The following C6orf132 variants were observed in gnomAD, a reference collection of about 807,000 sequenced individuals.
The protein encoded by C6orf132 is uncharacterized protein C6orf132.
C6orf132 carries 43 observed loss-of-function variants against 65.3 expected under a neutral mutation model. The ratio of observed to expected loss-of-function variants is 0.66; its 90% CI spans 0.52 to 0.85. C6orf132 has a LOEUF of 0.85. Ranked by LOEUF, C6orf132 falls within the 40% of genes least tolerant of loss-of-function variation. The pLI, the probability that C6orf132 is intolerant of heterozygous loss-of-function variation, is 0.00. For missense variants in C6orf132, 1,488 were observed against 1,548.8 expected, an observed-to-expected ratio of 0.96 and a Z score of 0.66; for synonymous variants, 631 against 654.1, an observed-to-expected ratio of 0.96 and a Z score of 0.54.
chr6:42,140,318 A>G (rs919705309), intron 1 of C6orf132, among the ~76,000 whole-genome samples: 3 of 152,244 alleles, frequency 2.0e-5, no homozygotes, highest in Non-Finnish European at 2.9e-5. Flanking sequence ...CAGCCTGCAC[A>G]GCCTAGGCAA....
chr6:42,125,459 G>A (rs1766749290), intron 2 of C6orf132, among the ~76,000 whole-genome samples: 2 of 152,140 alleles, frequency 1.3e-5, no homozygotes, highest in African/African-American at 4.8e-5. Flanking sequence ...ATCACAGGCC[G>A]TGCCACTGGA....
At chr6:42,138,322 C>T (rs897771931) in intron 1 of C6orf132, among the ~76,000 whole-genome samples, 1 of 151,938 alleles carries the variant, frequency 6.6e-6, no homozygotes, top group South Asian at 2.1e-4. Flanking sequence ...AACAGGGTCT[C>T]GCTCTGCCAC....
intron 1 of C6orf132, among the ~76,000 whole-genome samples, chr6:42,134,916 A>T (rs1582285553): frequency 1.3e-5 from 2 of 150,318 alleles, no homozygotes; most frequent in East Asian, 3.9e-4. Flanking sequence ...CAGGAGAATC[A>T]CTTGAACCTG....
Position 42,102,885 on chromosome 6 carries a change from CAT to C in C6orf132, c.*874_*875del, listed in dbSNP as rs757622570. 18 of 396,126 alleles carry C rather than the reference CAT, an allele frequency of 4.5e-5. No homozygotes were observed. The highest frequency in any genetic ancestry group is 7.1e-5 in the Non-Finnish European group (16 of 225,146). 24.5% of individuals were successfully genotyped at this position (396,126 alleles called of 1,614,324 possible). On this transcript the variant is annotated 3_prime_UTR_variant, in exon 5 of 5. Coordinates refer to ENST00000341865, the MANE Select transcript of C6orf132 (RefSeq NM_001164446.3). ...TAGGAAAAATGCCTTCTCCAAATCC[CAT>C]ATGAGACCTGGCCATGTAAGGCCCC...
intron 1 of C6orf132, among the ~76,000 whole-genome samples, chr6:42,135,507 G>A (rs1183640437): frequency 6.6e-6 from 1 of 152,190 alleles, no homozygotes; most frequent in Non-Finnish European, 1.5e-5. Context: ...CCGAGCGGAG[G>A]AGCCTCACTG....
intron 1 of C6orf132, among the ~76,000 whole-genome samples, chr6:42,135,205 G>T (rs60861123): frequency 0.025 from 3,843 of 152,270 alleles, 165 homozygotes; most frequent in African/African-American, 0.087. Context: ...TTTCTTGTTC[G>T]GGTTCACTCT....
intron 1 of C6orf132, among the ~76,000 whole-genome samples, chr6:42,138,873 A>ACACACACACACAC (rs1365657273): frequency 5.9e-5 from 9 of 151,696 alleles, no homozygotes; most frequent in Non-Finnish European, 8.8e-5. Flanking sequence ...ACACACACAC[A>ACACACACACACAC]CACACACACT....
At chr6:42,134,885 A>G (rs112045615) in intron 1 of C6orf132, among the ~76,000 whole-genome samples, 2,343 of 150,938 alleles carry the variant, frequency 0.016, 55 homozygotes, top group African/African-American at 0.053. Flanking sequence ...CCAGCTACTC[A>G]GGATACTCGG....
rs1766739481 is a variant in C6orf132 at position 42,124,811 on chromosome 6, A to C, written c.252+3861T>G. Among the ~76,000 whole-genome samples, 1 of 152,208 alleles carries C rather than the reference A, an allele frequency of 6.6e-6. No homozygotes were observed. Among genetic ancestry groups the C allele is most frequent in the Non-Finnish European group, 1.5e-5 (1 of 68,028 alleles). On this transcript the variant is annotated intron_variant, in intron 2 of 4. Transcript: ENST00000341865. The surrounding 1 kb of genome is among the most constrained non-coding windows in gnomAD (Gnocchi z 4.0). ...CTAGGGCCTACAGGAGAGGAGTCAG[A>C]AGCTCAGACAGGAGAGAATTAAGCC...
intron 1 of C6orf132, among the ~76,000 whole-genome samples, chr6:42,133,333 T>C (rs1404160867): frequency 6.6e-6 from 1 of 152,256 alleles, no homozygotes; most frequent in East Asian, 1.9e-4. Context: ...GCCCCGTGTC[T>C]CATCCACTCT....
At chr6:42,114,108 A>G (rs896859038) in intron 2 of C6orf132, among the ~76,000 whole-genome samples, 2 of 152,188 alleles carry the variant, frequency 1.3e-5, no homozygotes, top group Non-Finnish European at 2.9e-5. Flanking sequence ...ATTACTCACT[A>G]TGCCCTTTGA....
intron 1 of C6orf132, among the ~76,000 whole-genome samples, chr6:42,130,804 T>C (rs985338281): frequency 1.3e-5 from 2 of 151,960 alleles, no homozygotes; most frequent in African/African-American, 4.8e-5. Context: ...TGGAGTCTTT[T>C]TTTTTTGGTT....
chr6:42,119,432 C>T (rs1766644065), intron 2 of C6orf132, among the ~76,000 whole-genome samples: 1 of 142,718 alleles, frequency 7.0e-6, no homozygotes, highest in African/African-American at 2.6e-5. Context: ...GCAAACTCTG[C>T]CTCCCAGGTT....
rs1766343281 is a variant in C6orf132 at position 42,104,094 on chromosome 6, A to G, written c.3450-216T>C. Among the ~76,000 whole-genome samples, 1 of 152,168 alleles carries G rather than the reference A, an allele frequency of 6.6e-6. No homozygotes were observed. Among genetic ancestry groups the G allele is most frequent in the Non-Finnish European group, 1.5e-5 (1 of 68,022 alleles). ...CTGCTGGCCGGAGAACATGCCTAAC[A>G]GCCTTTCACTCAGAACTCTTTCACT... On this transcript the variant is annotated intron_variant, in intron 4 of 4. Transcript: ENST00000341865. The surrounding 1 kb of genome is among the most constrained non-coding windows in gnomAD (Gnocchi z 4.1).
chr6:42,139,244 A>G (rs929002293), intron 1 of C6orf132, among the ~76,000 whole-genome samples: 5 of 152,184 alleles, frequency 3.3e-5, no homozygotes, highest in African/African-American at 1.2e-4. Flanking sequence ...CAGGGGCCCT[A>G]TGGAACTCTA....
At chr6:42,118,990 T>C (rs1766633064) in intron 2 of C6orf132, among the ~76,000 whole-genome samples, 1 of 136,174 alleles carries the variant, frequency 7.3e-6, no homozygotes, top group Non-Finnish European at 1.5e-5. Context: ...CCCAGCACTT[T>C]GGGAGGCCAA....
At position 42,124,828 on chromosome 6, in the gene C6orf132, A is replaced by G. The variant is rs1358293076; in HGVS notation, c.252+3844T>C. On this transcript the variant is annotated intron_variant, in intron 2 of 4. Coordinates refer to ENST00000341865, the MANE Select transcript of C6orf132 (RefSeq NM_001164446.3). This position sits in a 1 kb window ranked among gnomAD's most constrained non-coding sequence, Gnocchi z 4.0. The stretch of plus-strand genomic sequence containing the variant: ...GGAGTCAGAAGCTCAGACAGGAGAG[A>G]ATTAAGCCGCCAGCCGGATTCCCCT... Among the ~76,000 whole-genome samples the G allele has an allele frequency of 1.3e-5, 2 of 152,166 alleles. No homozygotes were observed. The highest frequency in any genetic ancestry group is 4.8e-5 in the African/African-American group (2 of 41,440).
chr6:42,107,512 C>T lies in C6orf132; in HGVS notation c.400G>A (p.Gly134Ser), dbSNP rs1424991121. The change falls in exon 4 of 5, where the codon GGC (glycine) becomes AGC (serine). Residue 134 changes from glycine to serine, a missense_variant. By Grantham distance (56) the Gly-to-Ser change is moderately conservative. Transcript: ENST00000341865. ...SVGDLRPGQY[G>S]QDLLIPPPPP... Reference sequence around the variant, plus strand: ...GGTGGGGGGATGAGTAGATCCTGGCCATATTGTCCAGGCCTCAGGTCACCC... The same window carrying T: ...GGTGGGGGGATGAGTAGATCCTGGCTATATTGTCCAGGCCTCAGGTCACCC... 1 of 1,550,164 alleles carries T rather than the reference C, an allele frequency of 6.5e-7. No individual in the cohort carries two copies. Among genetic ancestry groups the T allele is most frequent in the South Asian group, 1.2e-5 (1 of 84,042 alleles).
Position 42,105,358 on chromosome 6 carries a change from C to T in C6orf132, c.2554G>A (p.Gly852Arg). 1.3e-6 allele frequency: 2 copies of T among 1,536,550 alleles called. No homozygotes were observed. Among genetic ancestry groups the T allele is most frequent in the Non-Finnish European group, 1.7e-6 (2 of 1,146,760 alleles). Residue 852 changes from glycine (G) to arginine (R), a missense_variant, in exon 4 of 5, where the codon GGA becomes AGA. By Grantham distance (125) the Gly-to-Arg change is moderately radical. Coordinates refer to ENST00000341865, the MANE Select transcript of C6orf132 (RefSeq NM_001164446.3). ...CCCAGGGCAGCCCCTACAGACCTTC[C>T]CTTCTGAGCCCTCTGCCTGGCCGCC... ...LLAARQRAQK[G>R]RSVGAALGRS... is the part of the protein sequence containing the mutation.
Sources: allele counts gnomAD v4.1 joint callset (sites outside exome capture counted in the v4.1 genomes callset), GRCh38; gene constraint gnomAD v4.1.1; non-coding constraint Gnocchi (gnomAD v3.1); transcripts MANE v1.5; gene names NCBI Gene and HGNC (gene_info 2026-07-23, HGNC 2026-07-21).